DLC1: variants seen among roughly 807,000 people sequenced by gnomAD.
DLC1 encodes the protein rho GTPase-activating protein 7.
DLC1 carries 54 observed loss-of-function variants against 140.3 expected under a neutral mutation model. The observed-to-expected ratio is 0.38, with a 90% CI of 0.31 to 0.48. DLC1 has a LOEUF of 0.48. Among genes scored for constraint, DLC1 ranks in the 20% least tolerant of loss-of-function variants. The probability of loss-of-function intolerance (pLI) is 0.96; values close to 1 mark genes in which losing one functional copy is unlikely to be tolerated. For missense variants in DLC1, 2,536 were observed against 1,907.0 expected, an observed-to-expected ratio of 1.33 and a Z score of -6.14; for synonymous variants, 986 against 728.1, an observed-to-expected ratio of 1.35 and a Z score of -5.70.
chr8:13,451,068 A>G (rs1257748311), intron 2 of DLC1, among the ~76,000 whole-genome samples: 3 of 143,876 alleles, frequency 2.1e-5, no homozygotes, highest in East Asian at 4.0e-4. Context: ...AAAAAAAAAA[A>G]GAAAAAAAGA....
chr8:13,333,429 T>G (rs1671365), intron 4 of DLC1, among the ~76,000 whole-genome samples: 55,149 of 151,968 alleles, frequency 0.36, 10,135 homozygotes, highest in Non-Finnish European at 0.4. Flanking sequence ...TTTTTTTGTT[T>G]TAGTGATGAG....
intron 5 of DLC1, among the ~76,000 whole-genome samples, chr8:13,215,538 A>T (rs1274912417): frequency 1.3e-5 from 2 of 152,212 alleles, no homozygotes; most frequent in Non-Finnish European, 2.9e-5. Flanking sequence ...GTTAGCCAAG[A>T]TCACGCCACT....
intron 5 of DLC1, among the ~76,000 whole-genome samples, chr8:13,269,210 G>C (rs1005105921): frequency 2.8e-4 from 43 of 152,088 alleles, no homozygotes; most frequent in African/African-American, 1.0e-3. Context: ...CTTGTCTTTG[G>C]CTGTGCCTAA....
In DLC1 at chr8:13,083,518, A is replaced by G. The variant is rs572830809; in HGVS notation, c.*2293T>C. 1.0e-4 allele frequency: 16 copies of G among 152,432 alleles called. No individual in the cohort carries two copies. The highest frequency in any genetic ancestry group is 2.4e-4 in the Non-Finnish European group (16 of 68,038). 9.4% of individuals were successfully genotyped at this position (152,432 alleles called of 1,614,324 possible). A position where few individuals can be genotyped will look rare whatever the true frequency, so the allele number is the denominator to read the frequency against. ...CACAAATAAGTTGTGATGGCGCTCT[A>G]AGTGACCTCAGCAGAGTTCTTGAAA... On this transcript the variant is annotated 3_prime_UTR_variant, in exon 18 of 18. Transcript: ENST00000276297.
At chr8:13,566,960 A>C in intron 1 of DLC1, 1 of 1,512,142 alleles carries the variant, frequency 6.6e-7, no homozygotes, top group South Asian at 1.3e-5. Flanking sequence ...ACCTGGGCAA[A>C]GGAGATGAGG....
chr8:13,116,305 A>C (rs1212840244), intron 5 of DLC1: 1 of 878,916 alleles, frequency 1.1e-6, no homozygotes, highest in Non-Finnish European at 1.4e-6. Flanking sequence ...CTGTGGTTTC[A>C]CATCTTGTAG....
intron 1 of DLC1, among the ~76,000 whole-genome samples, chr8:13,554,118 G>A (rs1172483797): frequency 6.6e-6 from 1 of 152,102 alleles, no homozygotes; most frequent in Non-Finnish European, 1.5e-5. Flanking sequence ...CCAGGTTGGA[G>A]TGCAATGGCA....
At chr8:13,564,907 C>G (rs553025670) in intron 1 of DLC1, among the ~76,000 whole-genome samples, 1 of 152,150 alleles carries the variant, frequency 6.6e-6, no homozygotes, top group African/African-American at 2.4e-5. Context: ...CTCCCAATCC[C>G]CACCACAAGC....
At chr8:13,189,531 G>A (rs1244888563) in intron 5 of DLC1, among the ~76,000 whole-genome samples, 1 of 151,992 alleles carries the variant, frequency 6.6e-6, no homozygotes, top group Non-Finnish European at 1.5e-5. Context: ...AAATGCAACT[G>A]TAATCAAGTA....
rs116669759 is a variant in DLC1 at position 13,164,676 on chromosome 8, C to T, written c.1349-49019G>A. 5.0e-3 allele frequency among the ~76,000 whole-genome samples: 766 copies of T among 152,280 alleles called. 3 individuals are homozygous for T. The highest frequency in any genetic ancestry group is 0.017 in the African/African-American group (716 of 41,554). On this transcript the variant is annotated intron_variant, in intron 5 of 17. Coordinates refer to ENST00000276297, the MANE Select transcript of DLC1 (RefSeq NM_182643.3). ...GGTAGCAAGGCATAGCCAGTGCAGA[C>T]ATTGATACTTTTACATCAGGAGAAA...
chr8:13,341,267 AC>A (rs2116984469), intron 4 of DLC1: 1 of 152,296 alleles, frequency 6.6e-6, no homozygotes, highest in South Asian at 2.1e-4. Context: ...ATATAAAAGA[AC>A]CACTGGGAAT....
chr8:13,311,580 A>C (rs768025054), intron 4 of DLC1, among the ~76,000 whole-genome samples: 13 of 152,226 alleles, frequency 8.5e-5, no homozygotes, highest in Non-Finnish European at 2.9e-5. Context: ...ATTTAATAAA[A>C]GTTATCAGCA....
chr8:13,104,372 C>T (rs1208162097), intron 7 of DLC1, among the ~76,000 whole-genome samples: 2 of 142,742 alleles, frequency 1.4e-5, no homozygotes, highest in Non-Finnish European at 3.1e-5. Flanking sequence ...AAACCCAAAA[C>T]CTCATGGAGA....
At chr8:13,393,794 C>T (rs1330348380) in intron 3 of DLC1, 101 bp from the exon 4 acceptor site, 3 of 1,324,742 alleles carry the variant, frequency 2.3e-6, no homozygotes, top group East Asian at 2.3e-5. Context: ...TCTCCCAGTG[C>T]ACACTGATAC....
intron 1 of DLC1, among the ~76,000 whole-genome samples, chr8:13,542,651 A>G (rs151203896): frequency 1.1e-4 from 16 of 152,152 alleles, no homozygotes. Flanking sequence ...ATTTATTTAG[A>G]TCTTTTTAAA....
intron 4 of DLC1, among the ~76,000 whole-genome samples, chr8:13,351,849 C>T (rs1174138899): frequency 6.6e-6 from 1 of 152,164 alleles, no homozygotes; most frequent in Non-Finnish European, 1.5e-5. Flanking sequence ...TCTATCACAA[C>T]AATTTGATTT....
intron 5 of DLC1, among the ~76,000 whole-genome samples, chr8:13,271,327 A>C (rs2117382078): frequency 6.6e-6 from 1 of 152,326 alleles, no homozygotes; most frequent in East Asian, 1.9e-4. Flanking sequence ...CTGTGAACCA[A>C]AGGAGCAGAG....
intron 5 of DLC1, among the ~76,000 whole-genome samples, chr8:13,169,407 C>G (rs1013189858): frequency 6.6e-6 from 1 of 152,096 alleles, no homozygotes; most frequent in Admixed American, 6.5e-5. Flanking sequence ...GAAATAATTC[C>G]TATCTTGTAA....
At chr8:13,154,797 T>C (rs1039673958) in intron 5 of DLC1, among the ~76,000 whole-genome samples, 3 of 152,186 alleles carry the variant, frequency 2.0e-5, no homozygotes, top group African/African-American at 4.8e-5. Context: ...CAATAGATTA[T>C]ATAGATGATC....
Sources: gnomAD v4.1 joint callset for allele counts (sites outside exome capture counted in the v4.1 genomes callset) on GRCh38, gnomAD v4.1.1 for gene constraint, MANE v1.5 for transcripts, NCBI Gene and HGNC (gene_info 2026-07-23, HGNC 2026-07-21) for gene names.